Variants in DSCAM observed in about 807,000 individuals in gnomAD.
DSCAM encodes the protein DS cell adhesion molecule.
A neutral mutation model predicts 217.7 loss-of-function variants in DSCAM; 47 were observed. The observed-to-expected ratio is 0.22, with a 90% CI of 0.17 to 0.28. The LOEUF (loss-of-function observed/expected upper bound fraction) is 0.28. Among genes scored for constraint, DSCAM ranks in the 10% least tolerant of loss-of-function variants. The pLI is 1.00. For missense variants in DSCAM, 2,080 were observed against 2,618.3 expected, an observed-to-expected ratio of 0.79 and a Z score of 4.49; for synonymous variants, 1,056 against 1,015.3, an observed-to-expected ratio of 1.04 and a Z score of -0.76.
chr21:40,734,685 C>CAATATGGCT (rs1235504353), intron 1 of DSCAM, among the ~76,000 whole-genome samples: 74 of 152,360 alleles, frequency 4.9e-4, no homozygotes, highest in African/African-American at 1.8e-3. Context: ...CTCCATCCCA[C>CAATATGGCT]CATTCCAGCC....
chr21:40,368,191 T>C (rs566603347), intron 4 of DSCAM, among the ~76,000 whole-genome samples: 2 of 152,276 alleles, frequency 1.3e-5, no homozygotes, highest in Middle Eastern at 3.4e-3. Context: ...TCCCCTTTCT[T>C]TTCTGAACAT....
At chr21:40,720,785 G>A (rs1190292701) in intron 1 of DSCAM, among the ~76,000 whole-genome samples, 2 of 152,154 alleles carry the variant, frequency 1.3e-5, no homozygotes, top group African/African-American at 4.8e-5. Flanking sequence ...AATAAAACTT[G>A]GTTATATTGT....
chr21:40,188,329 T>C (rs1320188654), intron 12 of DSCAM, among the ~76,000 whole-genome samples: 1 of 152,190 alleles, frequency 6.6e-6, no homozygotes, highest in African/African-American at 2.4e-5. Context: ...ATCCCACATA[T>C]ACATTTTTTT....
At chr21:40,843,526 A>T (rs2092119560) in intron 1 of DSCAM, among the ~76,000 whole-genome samples, 1 of 152,146 alleles carries the variant, frequency 6.6e-6, no homozygotes, top group Non-Finnish European at 1.5e-5. Context: ...TTAAACTAGA[A>T]TGTGCTCTGG....
At chr21:40,809,938 T>G (rs2091823248) in intron 1 of DSCAM, among the ~76,000 whole-genome samples, 1 of 152,192 alleles carries the variant, frequency 6.6e-6, no homozygotes, top group Admixed American at 6.5e-5. Context: ...TCATCAGTCT[T>G]CAGGAGAAAA....
chr21:40,649,661 C>T (rs1192342796), intron 3 of DSCAM, among the ~76,000 whole-genome samples: 1 of 151,978 alleles, frequency 6.6e-6, no homozygotes, highest in Non-Finnish European at 1.5e-5. Context: ...AGGTAGTTCA[C>T]ATTAGGGGAG....
chr21:40,735,617 GAAC>G (rs2091055410), intron 1 of DSCAM, among the ~76,000 whole-genome samples: 1 of 152,132 alleles, frequency 6.6e-6, no homozygotes, highest in African/African-American at 2.4e-5. Context: ...AGCCCTCAAA[GAAC>G]AACCACCAGC....
At chr21:40,221,850 A>G (rs566181809) in intron 11 of DSCAM, among the ~76,000 whole-genome samples, 73 of 152,266 alleles carry the variant, frequency 4.8e-4, no homozygotes, top group African/African-American at 1.7e-3. Flanking sequence ...CATCTCAACC[A>G]TTGAGGGTGT....
intron 27 of DSCAM, among the ~76,000 whole-genome samples, chr21:40,065,699 G>A (rs994918136): frequency 6.6e-6 from 1 of 152,114 alleles, no homozygotes; most frequent in Non-Finnish European, 1.5e-5. Context: ...CAGCCAGCAT[G>A]TCCCCAGGGG....
At chr21:40,459,382 A>G (rs2075788440) in intron 3 of DSCAM, among the ~76,000 whole-genome samples, 1 of 152,194 alleles carries the variant, frequency 6.6e-6, no homozygotes, top group East Asian at 1.9e-4. Context: ...TGCACAAAAT[A>G]TAACTGTATA....
chr21:40,617,011 C>T (rs1164970688), intron 3 of DSCAM, among the ~76,000 whole-genome samples: 4 of 94,720 alleles, frequency 4.2e-5, no homozygotes, highest in South Asian at 4.5e-4. Context: ...AGCAAGACTC[C>T]GTCTCAAAAA....
chr21:40,559,451 C>T (rs62223578), intron 3 of DSCAM, among the ~76,000 whole-genome samples: 3,442 of 128,662 alleles, frequency 0.027, 63 homozygotes, highest in Non-Finnish European at 0.046. Context: ...AGAGCGAGAC[C>T]CCGTCTCAAA....
At chr21:40,525,009 C>CAAAAAAAAAAAAAAAAAAAAAAA (rs58427418) in intron 3 of DSCAM, among the ~76,000 whole-genome samples, 5 of 56,116 alleles carry the variant, frequency 8.9e-5, no homozygotes, top group South Asian at 7.5e-4. Flanking sequence ...GACTCAGTCT[C>CAAAAAAAAAAAAAAAAAAAAAAA]AAAAAAAAAA....
chr21:40,051,939 A>T lies in DSCAM; in HGVS notation c.5185+19T>A. ...GCATTGTTAACACCCACACATTTTA[A>T]GCATTGTTGACCACTCACTCGTTCC... is the stretch of plus-strand genomic sequence containing the variant. On this transcript the variant is annotated intron_variant, in intron 30 of 32. Coordinates refer to ENST00000400454, the MANE Select transcript of DSCAM (RefSeq NM_001389.5). 6.3e-7 allele frequency: 1 copy of T among 1,599,188 alleles called. No individual in the cohort carries two copies. Among genetic ancestry groups the T allele is most frequent in the East Asian group, 2.2e-5 (1 of 44,490 alleles).
At chr21:40,712,963 G>C (rs936463190) in intron 1 of DSCAM, among the ~76,000 whole-genome samples, 1 of 152,144 alleles carries the variant, frequency 6.6e-6, no homozygotes, top group Admixed American at 6.5e-5. Context: ...CCCTGTGAGG[G>C]ACACACAATG....
At chr21:40,525,227 G>A (rs780126646) in intron 3 of DSCAM, among the ~76,000 whole-genome samples, 8 of 152,102 alleles carry the variant, frequency 5.3e-5, no homozygotes, top group Non-Finnish European at 1.2e-4. Flanking sequence ...TTCATGGCAA[G>A]TATATACATA....
intron 16 of DSCAM, among the ~76,000 whole-genome samples, chr21:40,146,575 C>T (rs149850970): frequency 1.3e-4 from 20 of 152,268 alleles, no homozygotes; most frequent in African/African-American, 1.9e-4. Flanking sequence ...GCAGTAAAAT[C>T]ATTTTTGTTT....
chr21:40,511,153 G>A (rs1278586023), intron 3 of DSCAM, among the ~76,000 whole-genome samples: 1 of 152,112 alleles, frequency 6.6e-6, no homozygotes, highest in Admixed American at 6.5e-5. Flanking sequence ...TTCATGGTAT[G>A]TTGCTTTATA....
At chr21:40,039,267 G>A (rs998842315) in intron 32 of DSCAM, among the ~76,000 whole-genome samples, 10 of 151,676 alleles carry the variant, frequency 6.6e-5, no homozygotes, top group African/African-American at 2.4e-4. Flanking sequence ...TTTTGAATAT[G>A]TGAAGGAAAA....
Sources: allele counts gnomAD v4.1 joint callset (sites outside exome capture counted in the v4.1 genomes callset), GRCh38; gene constraint gnomAD v4.1.1; transcripts MANE v1.5; gene names NCBI Gene and HGNC (gene_info 2026-07-23, HGNC 2026-07-21).